The following C6orf118 variants were observed in gnomAD, a reference collection of about 807,000 sequenced individuals.
C6orf118 encodes the protein chromosome 6 open reading frame 118, also known as uncharacterized protein C6orf118.
Under a neutral mutation model 50.2 loss-of-function variants are expected in C6orf118, and 50 were observed. The ratio of observed to expected loss-of-function variants is 1.00; its 90% CI spans 0.79 to 1.26. The LOEUF (loss-of-function observed/expected upper bound fraction) is 1.26, where lower values mean the gene tolerates loss of function less well. Among genes scored for constraint, C6orf118 ranks in the 50% most tolerant of loss-of-function variants. The pLI is 0.00. For missense variants in C6orf118, 641 were observed against 578.7 expected, an observed-to-expected ratio of 1.11 and a Z score of -1.10; for synonymous variants, 239 against 230.9, an observed-to-expected ratio of 1.03 and a Z score of -0.32.
At chr6:165,289,780 A>C in intron 7 of C6orf118, 106 bp downstream of exon 7, 1 of 653,574 alleles carries the variant, frequency 1.5e-6, no homozygotes, top group Non-Finnish European at 2.3e-6. Context: ...TTTGGGCCAA[A>C]TTTTATGATT....
intron 4 of C6orf118, 115 bp from the exon 5 acceptor site, chr6:165,298,216 T>C: frequency 5.4e-6 from 7 of 1,285,028 alleles, no homozygotes; most frequent in South Asian, 1.8e-5. Context: ...ATATAAGTTC[T>C]AGTTAAAATA....
chr6:165,290,101 G>A lies in C6orf118; in HGVS notation c.1121-34C>T, dbSNP rs770841232. ...ATTTTTTAAAACAAAGTATTACCATGTTTAATATCTCAGTTATTATTAATA... is the reference window on the plus strand; with the variant it reads ...ATTTTTTAAAACAAAGTATTACCATATTTAATATCTCAGTTATTATTAATA... On this transcript the variant is annotated intron_variant, in intron 6 of 8. Coordinates refer to ENST00000230301, the MANE Select transcript of C6orf118 (RefSeq NM_144980.4). The A allele has an allele frequency of 1.1e-5, 15 of 1,315,060 alleles. No individual in the cohort carries two copies. In the Admixed American group the frequency reaches 3.0e-4, roughly 26 times the overall value. 81.5% of individuals were successfully genotyped at this position (1,315,060 alleles called of 1,614,324 possible). A position where few individuals can be genotyped will look rare whatever the true frequency, so the allele number is the denominator to read the frequency against.
rs145574207 is a variant in C6orf118, at chr6:165,301,782, G to C, written c.540C>G (p.Pro180=). 5 of 1,613,856 alleles carry C rather than the reference G, an allele frequency of 3.1e-6. No homozygotes were observed. The highest frequency in any genetic ancestry group is 3.3e-5 in the Admixed American group (2 of 60,002). ...GWRRREELRL[P]DLKVLCYQEA... is the part of the protein sequence containing the mutation. Reference sequence around the variant, plus strand: ...CCTGGTAGCACAGCACCTTCAAGTCGGGCAGCCGGAGTTCTTCCCTCCTGC... The same window carrying C: ...CCTGGTAGCACAGCACCTTCAAGTCCGGCAGCCGGAGTTCTTCCCTCCTGC... Residue 180 remains proline (P), a synonymous_variant, in exon 2 of 9, where the codon CCC becomes CCG. Transcript: ENST00000230301.
rs115239293 is a variant in C6orf118, at chr6:165,293,885, C to T, written c.1062-414G>A. Among the ~76,000 whole-genome samples the T allele has an allele frequency of 2.4e-3, 370 of 152,318 alleles. 2 individuals carry two copies. The highest frequency in any genetic ancestry group is 8.5e-3 in the African/African-American group (352 of 41,578). Reference sequence around the variant, plus strand: ...TTCCTGATGCTGAAATACACGGCATCTTTCCTGTGTATTATTATTCTGTGC... The same window carrying T: ...TTCCTGATGCTGAAATACACGGCATTTTTCCTGTGTATTATTATTCTGTGC... On this transcript the variant is annotated intron_variant, in intron 5 of 8. Coordinates refer to ENST00000230301, the MANE Select transcript of C6orf118 (RefSeq NM_144980.4).
At chr6:165,286,560 C>T (rs922573094) in intron 7 of C6orf118, among the ~76,000 whole-genome samples, 1 of 152,146 alleles carries the variant, frequency 6.6e-6, no homozygotes, top group Non-Finnish European at 1.5e-5. Flanking sequence ...TACAGCAGCA[C>T]ATCTAAAAGC....
intron 5 of C6orf118, among the ~76,000 whole-genome samples, chr6:165,296,588 C>T (rs1780319721): frequency 1.3e-5 from 2 of 152,254 alleles, no homozygotes; most frequent in South Asian, 4.1e-4. Context: ...CTAAACCCAC[C>T]GATCAGAATT....
rs1376115987 is a variant in C6orf118 at position 165,302,172 on chromosome 6, T to C, written c.150A>G (p.Lys50=). ...AGAGGTAGACGTCCTCCCGGTGGTCTTTCTGAAGCCGATTCAGAAGTTTCT... is the reference window on the plus strand; with the variant it reads ...AGAGGTAGACGTCCTCCCGGTGGTCCTTCTGAAGCCGATTCAGAAGTTTCT... ...NLKKLLNRLQ[K]DHREDVYLYI... The change falls in exon 2 of 9, where the codon AAA becomes AAG. Residue 50 remains lysine, a synonymous_variant. Transcript: ENST00000230301. The C allele has an allele frequency of 6.2e-7, 1 of 1,612,702 alleles. No individual in the cohort carries two copies. Among genetic ancestry groups the C allele is most frequent in the Non-Finnish European group, 8.5e-7 (1 of 1,179,960 alleles).
rs535750180 is a variant in C6orf118 at position 165,300,436 on chromosome 6, G to C, written c.804C>G (p.His268Gln). The C allele has an allele frequency of 8.7e-6, 14 of 1,613,680 alleles. No homozygotes were observed. The highest frequency in any genetic ancestry group is 6.7e-5 in the Admixed American group (4 of 60,016). ...TATCTTCAAAGACTTTTCCAAAGAC[G>C]TGCAGTCTGTTGAACTGCTGGGGGC... ...TCSPQQFNRL[H>Q]VFGKVFEDIC... is the part of the protein sequence containing the mutation. Residue 268 changes from histidine to glutamine, a missense_variant, in exon 3 of 9, where the codon CAC becomes CAG. Physicochemically the swap from His to Gln is conservative, Grantham distance 24 (BLOSUM62 0). Coordinates refer to ENST00000230301, the MANE Select transcript of C6orf118 (RefSeq NM_144980.4).
At chr6:165,296,390 T>C (rs2128160845) in intron 5 of C6orf118, among the ~76,000 whole-genome samples, 1 of 150,856 alleles carries the variant, frequency 6.6e-6, no homozygotes, top group African/African-American at 2.4e-5. Flanking sequence ...TGCCTCAAAA[T>C]GGTCAGTTCA....
intron 6 of C6orf118, among the ~76,000 whole-genome samples, chr6:165,291,305 A>G (rs1264079049): frequency 6.6e-6 from 1 of 152,242 alleles, no homozygotes. Flanking sequence ...GGCAATGTCA[A>G]AAATAAGCCC....
chr6:165,306,503 A>G (rs9766202), intron 1 of C6orf118, among the ~76,000 whole-genome samples: 8 of 147,636 alleles, frequency 5.4e-5, no homozygotes, highest in Non-Finnish European at 1.2e-4. Flanking sequence ...AAAAAGAATA[A>G]TATTCATAGA....
intron 1 of C6orf118, among the ~76,000 whole-genome samples, chr6:165,306,681 C>T (rs1256821795): frequency 2.0e-5 from 3 of 151,622 alleles, no homozygotes; most frequent in East Asian, 1.9e-4. Context: ...AAGAAGGAGG[C>T]GACTTCATTG....
chr6:165,287,602 C>A (rs367842748), intron 7 of C6orf118, among the ~76,000 whole-genome samples: 2 of 151,986 alleles, frequency 1.3e-5, no homozygotes, highest in Non-Finnish European at 2.9e-5. Flanking sequence ...ACAAATGGAA[C>A]GGAATAGAGA....
Position 165,302,254 on chromosome 6 carries a change from G to T in C6orf118, c.68C>A (p.Thr23Asn). The T allele has an allele frequency of 6.2e-7, 1 of 1,613,908 alleles. No homozygotes were observed. Among genetic ancestry groups the T allele is most frequent in the South Asian group, 1.1e-5 (1 of 91,064 alleles). ...WKHCETPGVK[T>N]LCNLKHCETP... ...CTCGCAGTGCTTCAGATTACACAGG[G>T]TCTTCACGCCTGGCGTCTCGCAGTG... The change falls in exon 2 of 9, where the codon ACC (threonine) becomes AAC (asparagine). Residue 23 changes from threonine (T) to asparagine (N), a missense_variant. Physicochemically the swap from Thr to Asn is moderately conservative, Grantham distance 65 (BLOSUM62 0). Transcript: ENST00000230301.
At chr6:165,291,196 C>T (rs1780093732) in intron 6 of C6orf118, among the ~76,000 whole-genome samples, 1 of 151,952 alleles carries the variant, frequency 6.6e-6, no homozygotes, top group Non-Finnish European at 1.5e-5. Context: ...GTACTCCCAG[C>T]ATGAAGAGAA....
At chr6:165,292,203 C>T (rs1308988151) in intron 6 of C6orf118, among the ~76,000 whole-genome samples, 1 of 152,184 alleles carries the variant, frequency 6.6e-6, no homozygotes, top group Admixed American at 6.5e-5. Context: ...TCCACCTCAC[C>T]CTTTTCTACC....
At chr6:165,286,553 A>G (rs1779910684) in intron 7 of C6orf118, among the ~76,000 whole-genome samples, 1 of 152,244 alleles carries the variant, frequency 6.6e-6, no homozygotes, top group African/African-American at 2.4e-5. Context: ...AACCGAATAC[A>G]GCAGCACATC....
intron 3 of C6orf118, 24 bp downstream of exon 3, chr6:165,300,340 A>C (rs1308091522): frequency 1.2e-6 from 2 of 1,613,150 alleles, no homozygotes; most frequent in South Asian, 2.2e-5. Context: ...CTCAACTGTT[A>C]TGCTGAAGAT....
chr6:165,281,301 G>A (rs1779722405), intron 8 of C6orf118, among the ~76,000 whole-genome samples: 1 of 152,124 alleles, frequency 6.6e-6, no homozygotes, highest in East Asian at 1.9e-4. Context: ...ACAGATTGAG[G>A]TCTAAATCTT....
Sources: allele counts gnomAD v4.1 joint callset (sites outside exome capture counted in the v4.1 genomes callset), GRCh38; gene constraint gnomAD v4.1.1; transcripts MANE v1.5; gene names NCBI Gene and HGNC (gene_info 2026-07-23, HGNC 2026-07-21).